The following NKAIN2 variants were observed in gnomAD, a reference collection of about 807,000 sequenced individuals.
The protein encoded by NKAIN2 is sodium/potassium-transporting ATPase subunit beta-1-interacting protein 2.
Under a neutral mutation model 32.6 loss-of-function variants are expected in NKAIN2, and 14 were observed. The observed-to-expected ratio is 0.43, with a 90% CI of 0.28 to 0.67. The LOEUF (loss-of-function observed/expected upper bound fraction) is 0.67. NKAIN2 is among the 30% of genes least tolerant of loss of function. The pLI, the probability that NKAIN2 is intolerant of heterozygous loss-of-function variation, is 0.17. For synonymous variants in NKAIN2, 80 were observed against 87.2 expected (o/e 0.92, Z 0.46); for missense variants, 198 against 258.3 (o/e 0.77, Z 1.60).
intron 4 of NKAIN2, among the ~76,000 whole-genome samples, chr6:124,784,909 C>A (rs1779431724): frequency 6.6e-6 from 1 of 152,052 alleles, no homozygotes; most frequent in Non-Finnish European, 1.5e-5. Flanking sequence ...TGCATCTTGG[C>A]ATGAATTTCT....
intron 1 of NKAIN2, among the ~76,000 whole-genome samples, chr6:123,975,497 G>C (rs1778522416): frequency 6.6e-6 from 1 of 151,910 alleles, no homozygotes; most frequent in African/African-American, 2.4e-5. Flanking sequence ...CTATGTATTG[G>C]GGTTCTCCAG....
intron 2 of NKAIN2, among the ~76,000 whole-genome samples, chr6:124,345,980 A>C (rs985285956): frequency 1.3e-5 from 2 of 151,632 alleles, no homozygotes; most frequent in Admixed American, 1.3e-4. Flanking sequence ...TAGGGCTATA[A>C]ATTTCCCTCT....
At position 124,758,272 on chromosome 6, in the gene NKAIN2, T is replaced by C. The variant is rs11751705; in HGVS notation, c.475-33067T>C. 3.2e-3 allele frequency among the ~76,000 whole-genome samples: 480 copies of C among 152,124 alleles called. 1 individual carries two copies. Among genetic ancestry groups the C allele is most frequent in the Non-Finnish European group, 5.4e-3 (370 of 67,988 alleles). On this transcript the variant is annotated intron_variant, in intron 4 of 6. Coordinates refer to ENST00000368417, the MANE Select transcript of NKAIN2 (RefSeq NM_001040214.3). Reference sequence around the variant, plus strand: ...TTTGCTTGTGTCTCCTCAAAACTCATATGTTAAAATCCTAACCCCCAGTGT... The same window carrying C: ...TTTGCTTGTGTCTCCTCAAAACTCACATGTTAAAATCCTAACCCCCAGTGT...
intron 1 of NKAIN2, among the ~76,000 whole-genome samples, chr6:123,975,102 A>G (rs1778498761): frequency 6.6e-6 from 1 of 152,202 alleles, no homozygotes; most frequent in Non-Finnish European, 1.5e-5. Context: ...CTGTCTTGCC[A>G]ACAACCCATT....
At chr6:123,932,166 T>C (rs1456336591) in intron 1 of NKAIN2, among the ~76,000 whole-genome samples, 1 of 152,276 alleles carries the variant, frequency 6.6e-6, no homozygotes, top group African/African-American at 2.4e-5. Context: ...TCCCCCGGCT[T>C]CCTAAGCTTT....
chr6:124,715,868 G>C (rs1331476275), intron 4 of NKAIN2, among the ~76,000 whole-genome samples: 1 of 152,130 alleles, frequency 6.6e-6, no homozygotes, highest in South Asian at 2.1e-4. Context: ...TTTTTGGCTA[G>C]AGTTAAGGAA....
At chr6:124,117,661 TAAAA>T (rs1011750146) in intron 1 of NKAIN2, among the ~76,000 whole-genome samples, 1 of 151,800 alleles carries the variant, frequency 6.6e-6, no homozygotes, top group Non-Finnish European at 1.5e-5. Context: ...ATAATAATAA[TAAAA>T]AAAGAAAATA....
chr6:124,341,934 T>C (rs1798130541), intron 2 of NKAIN2, among the ~76,000 whole-genome samples: 1 of 152,186 alleles, frequency 6.6e-6, no homozygotes, highest in Admixed American at 6.5e-5. Flanking sequence ...TCTTCATTTA[T>C]CATAACAATA....
intron 3 of NKAIN2, among the ~76,000 whole-genome samples, chr6:124,641,155 A>C (rs1336036613): frequency 6.6e-6 from 1 of 152,222 alleles, no homozygotes; most frequent in African/African-American, 2.4e-5. Flanking sequence ...AAGGAATGGA[A>C]TTAATCAGGA....
intron 1 of NKAIN2, among the ~76,000 whole-genome samples, chr6:124,189,949 A>T (rs929897222): frequency 6.6e-6 from 1 of 152,204 alleles, no homozygotes; most frequent in African/African-American, 2.4e-5. Flanking sequence ...TTTGGAAATT[A>T]TTCCTTTTAG....
chr6:124,598,998 G>A (rs1782204079), intron 3 of NKAIN2, among the ~76,000 whole-genome samples: 1 of 149,494 alleles, frequency 6.7e-6, no homozygotes, highest in Non-Finnish European at 1.5e-5. Flanking sequence ...GACCAGTAAA[G>A]GTAATGAGGT....
chr6:124,186,234 G>C (rs1462900230), intron 1 of NKAIN2, among the ~76,000 whole-genome samples: 1 of 150,520 alleles, frequency 6.6e-6, no homozygotes, highest in Non-Finnish European at 1.5e-5. Context: ...AGGAAAGAGA[G>C]AGAAAGGAAA....
chr6:124,251,247 T>C (rs752020277), intron 1 of NKAIN2, among the ~76,000 whole-genome samples: 1 of 152,064 alleles, frequency 6.6e-6, no homozygotes, highest in Non-Finnish European at 1.5e-5. Flanking sequence ...AAGCCAGCCA[T>C]GTTCTGTGTT....
At chr6:124,007,504 G>A (rs564560172) in intron 1 of NKAIN2, among the ~76,000 whole-genome samples, 1 of 152,286 alleles carries the variant, frequency 6.6e-6, no homozygotes, top group East Asian at 1.9e-4. Context: ...ATAGCTCAGG[G>A]ATGGCTAAAC....
intron 2 of NKAIN2, among the ~76,000 whole-genome samples, chr6:124,287,323 T>C (rs1367831957): frequency 6.6e-6 from 1 of 152,198 alleles, no homozygotes; most frequent in Non-Finnish European, 1.5e-5. Context: ...GGACATTTTA[T>C]TTAATTGATC....
chr6:124,777,905 T>C (rs1448623634), intron 4 of NKAIN2, among the ~76,000 whole-genome samples: 1 of 152,004 alleles, frequency 6.6e-6, no homozygotes, highest in Non-Finnish European at 1.5e-5. Flanking sequence ...CAGCAGAATG[T>C]CATTTCTTAC....
intron 1 of NKAIN2, among the ~76,000 whole-genome samples, chr6:123,874,910 T>TACATACATAC (rs777879321): frequency 6.7e-6 from 1 of 149,070 alleles, no homozygotes; most frequent in Non-Finnish European, 1.5e-5. Flanking sequence ...CATACATACA[T>TACATACATAC]ATATATATGT....
chr6:124,646,894 T>C (rs985929950), intron 3 of NKAIN2, among the ~76,000 whole-genome samples: 18 of 152,104 alleles, frequency 1.2e-4, no homozygotes, highest in African/African-American at 4.1e-4. Context: ...GAGGTTGTAG[T>C]GAGCTGAGAT....
intron 1 of NKAIN2, among the ~76,000 whole-genome samples, chr6:123,947,510 T>C (rs1777122953): frequency 6.6e-6 from 1 of 152,170 alleles, no homozygotes. Context: ...AAAGCTTTGA[T>C]CCAAAGTCCT....
Sources: allele counts gnomAD v4.1 joint callset (sites outside exome capture counted in the v4.1 genomes callset), GRCh38; gene constraint gnomAD v4.1.1; transcripts MANE v1.5; gene names NCBI Gene and HGNC (gene_info 2026-07-23, HGNC 2026-07-21).